TENM4: variants seen among roughly 807,000 people sequenced by gnomAD.
TENM4 encodes the protein teneurin-4.
A neutral mutation model predicts 243.3 loss-of-function variants in TENM4; 82 were observed. That is an observed-to-expected ratio of 0.34 (90% CI 0.28 to 0.40). The LOEUF is 0.40. Ranked by LOEUF, TENM4 falls within the 10% of genes least tolerant of loss-of-function variation. The pLI is 1.00. For synonymous variants in TENM4, 1,412 were observed against 1,456.3 expected, an observed-to-expected ratio of 0.97 and a Z score of 0.69; for missense variants, 3,138 against 3,673.3, an observed-to-expected ratio of 0.85 and a Z score of 3.77.
chr11:78,946,933 G>A (rs577799973), intron 6 of TENM4, among the ~76,000 whole-genome samples: 35 of 152,316 alleles, frequency 2.3e-4, no homozygotes, highest in African/African-American at 8.4e-4. Flanking sequence ...GTGGTTTCTT[G>A]TGATGGAAAC....
At chr11:79,332,279 G>C (rs1197210060) in intron 1 of TENM4, among the ~76,000 whole-genome samples, 2 of 152,104 alleles carry the variant, frequency 1.3e-5, no homozygotes, top group South Asian at 2.1e-4. Context: ...TTTATTTCCA[G>C]ATTACAGGCT....
At chr11:79,168,306 G>A (rs1284431927) in intron 3 of TENM4, among the ~76,000 whole-genome samples, 1 of 152,116 alleles carries the variant, frequency 6.6e-6, no homozygotes, top group African/African-American at 2.4e-5. Flanking sequence ...TCCTCACAAT[G>A]TCAGTACCTG....
chr11:78,912,938 C>T (rs1042899122), intron 6 of TENM4, among the ~76,000 whole-genome samples: 19 of 152,210 alleles, frequency 1.2e-4, no homozygotes, highest in African/African-American at 4.3e-4. Context: ...TCCCAATCAG[C>T]GGCTAATTTG....
At chr11:79,237,991 G>A (rs1590817317) in intron 2 of TENM4, among the ~76,000 whole-genome samples, 1 of 152,162 alleles carries the variant, frequency 6.6e-6, no homozygotes, top group African/African-American at 2.4e-5. Context: ...CAGCCACCGA[G>A]CTGCTAAATC....
chr11:78,653,695 T>G lies in TENM4; in HGVS notation c.*4363A>C, dbSNP rs1435624800. 3 of 152,280 alleles carry G rather than the reference T, an allele frequency of 2.0e-5. No homozygotes were observed. Among genetic ancestry groups the G allele is most frequent in the Admixed American group, 2.0e-4 (3 of 15,286 alleles). 9.4% of individuals were successfully genotyped at this position (152,280 alleles called of 1,614,324 possible). A position where few individuals can be genotyped will look rare whatever the true frequency, so the allele number is the denominator to read the frequency against. On this transcript the variant is annotated 3_prime_UTR_variant, in exon 34 of 34. Coordinates refer to ENST00000278550, the MANE Select transcript of TENM4 (RefSeq NM_001098816.3). Reference sequence around the variant, plus strand: ...CAGCTCCTGCCAGGACGGCCGAGCGTGCTCCAGACTAGTCCTCCCTTGGCT... The same window carrying G: ...CAGCTCCTGCCAGGACGGCCGAGCGGGCTCCAGACTAGTCCTCCCTTGGCT...
chr11:79,210,061 T>C (rs1213236918), intron 3 of TENM4, among the ~76,000 whole-genome samples: 1 of 152,230 alleles, frequency 6.6e-6, no homozygotes, highest in Non-Finnish European at 1.5e-5. Flanking sequence ...TGGCACCATA[T>C]GGGACAATAT....
intron 13 of TENM4, among the ~76,000 whole-genome samples, chr11:78,812,968 C>T (rs1857530414): frequency 6.6e-6 from 1 of 152,160 alleles, no homozygotes; most frequent in African/African-American, 2.4e-5. Flanking sequence ...AAAGTACTTA[C>T]CAGTCTTATC....
intron 2 of TENM4, among the ~76,000 whole-genome samples, chr11:79,267,057 T>C (rs1855895070): frequency 6.6e-6 from 1 of 152,218 alleles, no homozygotes; most frequent in Non-Finnish European, 1.5e-5. Context: ...TCTGGTCTCA[T>C]GATTGGCCCC....
chr11:79,077,489 G>C (rs1348720135), intron 4 of TENM4, among the ~76,000 whole-genome samples: 1 of 152,156 alleles, frequency 6.6e-6, no homozygotes, highest in Non-Finnish European at 1.5e-5. Flanking sequence ...TGCAATCCAG[G>C]ATACACACAT....
chr11:78,778,611 C>T lies in TENM4; in HGVS notation c.2383G>A (p.Val795Ile). The T allele has an allele frequency of 6.2e-7, 1 of 1,612,256 alleles. No individual in the cohort carries two copies. The highest frequency in any genetic ancestry group is 8.5e-7 in the Non-Finnish European group (1 of 1,179,240). Residue 795 changes from valine (V) to isoleucine (I), a missense_variant, in exon 17 of 34, where the codon GTA becomes ATA. Around this residue, in one of 2 missense-constraint regions of TENM4, gnomAD observed 2,467 missense variants for 3,059.1 expected, o/e 0.81. Transcript: ENST00000278550. ...HCTIAHYLDR[V>I]VKEGCPGLCN... ...GGAAGGAAGACCATACCTTTAACTA[C>T]CCTATCCAGATAGTGAGCTAGGGAG...
intron 27 of TENM4, among the ~76,000 whole-genome samples, chr11:78,707,657 CCTATT>C (rs1172637081): frequency 6.6e-6 from 1 of 152,240 alleles, no homozygotes; most frequent in Non-Finnish European, 1.5e-5. Context: ...TCAGCAAACC[CCTATT>C]CTATTCAACC....
intron 2 of TENM4, among the ~76,000 whole-genome samples, chr11:79,277,341 C>G (rs949082471): frequency 1.3e-5 from 2 of 152,220 alleles, no homozygotes; most frequent in African/African-American, 4.8e-5. Flanking sequence ...GCCAGGAACA[C>G]TGCTAAGGAT....
Position 79,286,727 on chromosome 11 carries a change from G to A in TENM4, c.-265+10761C>T, listed in dbSNP as rs150142870. Among the ~76,000 whole-genome samples, 34 of 152,112 alleles carry A rather than the reference G, an allele frequency of 2.2e-4. 1 individual carries two copies. In the East Asian group the frequency reaches 6.4e-3, roughly 29 times the overall value. On this transcript the variant is annotated intron_variant, in intron 2 of 33. Transcript: ENST00000278550. ...AATAACACAAACCTTTAGGACTGGC[G>A]TGAGGATTACATAAGCAGATATGAA...
intron 30 of TENM4, 77 bp from the exon 31 acceptor site, chr11:78,672,406 C>T (rs1271489818): frequency 6.6e-7 from 1 of 1,506,646 alleles, no homozygotes; most frequent in African/African-American, 1.4e-5. Flanking sequence ...ACGTTGCTCT[C>T]AGCTCTGCTG....
chr11:79,279,506 C>A (rs1427366826), intron 2 of TENM4, among the ~76,000 whole-genome samples: 1 of 152,184 alleles, frequency 6.6e-6, no homozygotes, highest in Non-Finnish European at 1.5e-5. Context: ...AGGGCTATTG[C>A]AGGCCAACCT....
chr11:79,364,409 C>T (rs138891494), intron 1 of TENM4, among the ~76,000 whole-genome samples: 70 of 152,204 alleles, frequency 4.6e-4, no homozygotes, highest in African/African-American at 1.5e-3. Flanking sequence ...TTTTTCCCTG[C>T]CCAAGTCTGA....
In TENM4 at chr11:78,653,587, G is replaced by GAAC. The variant is rs957890366; in HGVS notation, c.*4468_*4470dup. Reference sequence around the variant, plus strand: ...GAAGCTGCGGGTTCAGAGGTGCTCAGAACAACAGGTGGATTTAGAAAAGTG... The same window carrying GAAC: ...GAAGCTGCGGGTTCAGAGGTGCTCAGAACAACAACAGGTGGATTTAGAAAAGTG... On this transcript the variant is annotated 3_prime_UTR_variant, in exon 34 of 34. Transcript: ENST00000278550. 2.0e-5 allele frequency: 3 copies of GAAC among 152,268 alleles called. No homozygotes were observed. The highest frequency in any genetic ancestry group is 4.4e-5 in the Non-Finnish European group (3 of 68,082). 9.4% of individuals were successfully genotyped at this position (152,268 alleles called of 1,614,324 possible).
At chr11:79,349,125 G>C (rs955597801) in intron 1 of TENM4, among the ~76,000 whole-genome samples, 2 of 152,064 alleles carry the variant, frequency 1.3e-5, no homozygotes, top group Admixed American at 1.3e-4. Context: ...GCTGGGGAAG[G>C]TCTCATCCTT....
intron 4 of TENM4, among the ~76,000 whole-genome samples, chr11:79,104,875 C>T (rs958150056): frequency 6.6e-6 from 1 of 152,196 alleles, no homozygotes; most frequent in Non-Finnish European, 1.5e-5. Flanking sequence ...TCATCTCCAT[C>T]CCTTGGGCAA....
Sources: gnomAD v4.1 joint callset for allele counts (sites outside exome capture counted in the v4.1 genomes callset) on GRCh38, gnomAD v4.1.1 for gene constraint, gnomAD v4.1.1 regional missense constraint, MANE v1.5 for transcripts, NCBI Gene and HGNC (gene_info 2026-07-23, HGNC 2026-07-21) for gene names.